Variants in GIT2 observed in about 807,000 individuals in gnomAD.
GIT2 encodes the protein ARF GTPase-activating protein GIT2.
A neutral mutation model predicts 100.3 loss-of-function variants in GIT2; 32 were observed. The ratio of observed to expected loss-of-function variants is 0.32; its 90% confidence interval spans 0.24 to 0.43. The LOEUF is 0.43. Among genes scored for constraint, GIT2 ranks in the 20% least tolerant of loss-of-function variants. GIT2 has a pLI of 1.00. For synonymous variants in GIT2, 353 were observed against 364.1 expected (o/e 0.97, Z 0.35); for missense variants, 737 against 975.1 (o/e 0.76, Z 3.25).
intron 13 of GIT2, chr12:109,952,569 C>T: frequency 1.9e-6 from 1 of 519,194 alleles, no homozygotes; most frequent in Non-Finnish European, 3.8e-6. Flanking sequence ...GCATGACCAG[C>T]TTCCCCTTAG....
chr12:109,952,116 T>TC (rs1357173039), intron 13 of GIT2, among the ~76,000 whole-genome samples: 4 of 152,190 alleles, frequency 2.6e-5, no homozygotes, highest in African/African-American at 7.2e-5. Context: ...AATGACGCCA[T>TC]CTTTCTCACA....
intron 17 of GIT2, 151 bp from the exon 18 acceptor site, chr12:109,938,719 G>C (rs192430573): frequency 7.5e-5 from 43 of 574,498 alleles, no homozygotes; most frequent in Non-Finnish European, 1.3e-4. Flanking sequence ...TCATGGTAAG[G>C]CTCTAAAATC....
chr12:109,944,407 C>T (rs1471182849), intron 16 of GIT2, among the ~76,000 whole-genome samples: 1 of 152,146 alleles, frequency 6.6e-6, no homozygotes, highest in Non-Finnish European at 1.5e-5. Context: ...AGAACTGGGA[C>T]GTGGATTTCA....
In GIT2 at chr12:109,995,971, G is replaced by A; in HGVS notation, c.52+202C>T. 1.1e-5 allele frequency: 5 copies of A among 474,416 alleles called. No homozygotes were observed. In the South Asian group the frequency reaches 1.3e-4, roughly 12 times the overall value. 29.4% of individuals were successfully genotyped at this position (474,416 alleles called of 1,614,324 possible). A position where few individuals can be genotyped will look rare whatever the true frequency, so the allele number is the denominator to read the frequency against. ...ACGGGAGGGAACGAGAGGGAAGGGA[G>A]GGCCGCGAGGGACGGGGAGGGCGGC... is the stretch of plus-strand genomic sequence containing the variant. On this transcript the variant is annotated intron_variant, in intron 1 of 19. Transcript: ENST00000355312.
In GIT2 at chr12:109,989,038, C is replaced by T. The variant is rs753418330; in HGVS notation, c.330G>A (p.Lys110=). Residue 110 remains lysine, a synonymous_variant, in exon 4 of 20, where the codon AAG becomes AAA. Transcript: ENST00000355312. ...GATGGACGAACGCTAACATCTGATACTTGGCTCTGATGAATTCCGCTTTAT... is the reference window on the plus strand; with the variant it reads ...GATGGACGAACGCTAACATCTGATATTTGGCTCTGATGAATTCCGCTTTAT... ...HPNKAEFIRA[K]YQMLAFVHRL... The T allele has an allele frequency of 2.5e-6, 4 of 1,612,564 alleles. No individual in the cohort carries two copies. Among genetic ancestry groups the T allele is most frequent in the Admixed American group, 3.3e-5 (2 of 59,982 alleles).
rs1887064328 is a variant in GIT2 at position 109,985,024 on chromosome 12, CAGA to C, written c.406-1333_406-1331del. ...TACTGCAGAAAAGCTCTTATACAGT[CAGA>C]AGATGAGCTGCCTTCCTTCAAATCT... On this transcript the variant is annotated intron_variant, in intron 4 of 19. Coordinates refer to ENST00000355312, the MANE Select transcript of GIT2 (RefSeq NM_057169.5). 2.0e-5 allele frequency among the ~76,000 whole-genome samples: 3 copies of C among 152,202 alleles called. No homozygotes were observed. In the South Asian group the frequency reaches 6.2e-4, roughly 31 times the overall value.
Position 109,948,952 on chromosome 12 carries a change from TAAAC to T in GIT2, c.1393-1452_1393-1449del. The stretch of plus-strand genomic sequence containing the variant: ...ATATAATCAATACATCTTTGCTAAA[TAAAC>T]AAATTCCATATACTTTATATTAATC... On this transcript the variant is annotated intron_variant, in intron 14 of 19. Coordinates refer to ENST00000355312, the MANE Select transcript of GIT2 (RefSeq NM_057169.5). The surrounding 1 kb of genome is among the most constrained non-coding windows in gnomAD (Gnocchi z 4.3). 4 of 732,322 alleles carry T rather than the reference TAAAC, an allele frequency of 5.5e-6. No homozygotes were observed. Among genetic ancestry groups the T allele is most frequent in the Non-Finnish European group, 9.1e-6 (4 of 440,860 alleles). 45.4% of individuals were successfully genotyped at this position (732,322 alleles called of 1,614,324 possible).
intron 10 of GIT2, 26 bp downstream of exon 10, chr12:109,961,587 T>C (rs775332966): frequency 6.8e-7 from 1 of 1,470,296 alleles, no homozygotes; most frequent in South Asian, 1.1e-5. Flanking sequence ...AACAGAAGCT[T>C]ATTAGATAAA....
chr12:109,935,089 A>T (rs187459649), intron 18 of GIT2, among the ~76,000 whole-genome samples: 176 of 152,244 alleles, frequency 1.2e-3, no homozygotes, highest in Admixed American at 2.0e-3. Context: ...AAAAAAAAAA[A>T]AGACTGCCTA....
At chr12:109,990,685 C>G (rs906573709) in intron 2 of GIT2, among the ~76,000 whole-genome samples, 1 of 152,172 alleles carries the variant, frequency 6.6e-6, no homozygotes, top group Non-Finnish European at 1.5e-5. Context: ...CACACTTAAC[C>G]TTGAGTTCCA....
Position 109,947,133 on chromosome 12 carries a change from A to G in GIT2, c.1641+123T>C. The G allele has an allele frequency of 1.2e-6, 1 of 862,936 alleles. No individual in the cohort carries two copies. Among genetic ancestry groups the G allele is most frequent in the Non-Finnish European group, 1.9e-6 (1 of 539,716 alleles). 53.5% of individuals were successfully genotyped at this position (862,936 alleles called of 1,614,324 possible). ...GTGGACATGTTAATACAGCAAACAC[A>G]ATGGTAACTCTCTTAGTCCAATTTG... On this transcript the variant is annotated intron_variant, in intron 15 of 19. Transcript: ENST00000355312. This position sits in a 1 kb window ranked among gnomAD's most constrained non-coding sequence, Gnocchi z 4.3.
At chr12:109,941,415 A>C (rs1014685254) in intron 16 of GIT2, among the ~76,000 whole-genome samples, 3 of 152,238 alleles carry the variant, frequency 2.0e-5, no homozygotes, top group Non-Finnish European at 4.4e-5. Flanking sequence ...AGTTTATAGC[A>C]GGAAGATCAT....
chr12:109,933,290 G>C lies in GIT2; in HGVS notation c.2068-100C>G. 1 of 709,730 alleles carries C rather than the reference G, an allele frequency of 1.4e-6. No individual in the cohort carries two copies. Among genetic ancestry groups the C allele is most frequent in the Non-Finnish European group, 2.4e-6 (1 of 410,602 alleles). 44.0% of individuals were successfully genotyped at this position (709,730 alleles called of 1,614,324 possible). Reference sequence around the variant, plus strand: ...AAAGCAAACCAAGCTGCTCCCCAGAGTGAAAGGCGGTTTGGTCCTGCCCTT... The same window carrying C: ...AAAGCAAACCAAGCTGCTCCCCAGACTGAAAGGCGGTTTGGTCCTGCCCTT... On this transcript the variant is annotated intron_variant, in intron 19 of 19. Transcript: ENST00000355312. This position sits in a 1 kb window ranked among gnomAD's most constrained non-coding sequence, Gnocchi z 4.5.
intron 12 of GIT2, among the ~76,000 whole-genome samples, chr12:109,956,286 T>A (rs1879426031): frequency 6.6e-6 from 1 of 152,152 alleles, no homozygotes; most frequent in South Asian, 2.1e-4. Context: ...TGATCATGGC[T>A]CACTGCAGCC....
In GIT2 at chr12:109,931,994, T is replaced by TG. The variant is rs1306764778; in HGVS notation, c.*983dup. 1 of 152,224 alleles carries TG rather than the reference T, an allele frequency of 6.6e-6. No individual in the cohort carries two copies. Among genetic ancestry groups the TG allele is most frequent in the Non-Finnish European group, 1.5e-5 (1 of 68,058 alleles). 9.4% of individuals were successfully genotyped at this position (152,224 alleles called of 1,614,324 possible). ...AAGTCCTTAAAGATGATGAAAAATG[T>TG]GAAGCAACTCATGTGAGAAAGCTGT... On this transcript the variant is annotated 3_prime_UTR_variant, in exon 20 of 20. Coordinates refer to ENST00000355312, the MANE Select transcript of GIT2 (RefSeq NM_057169.5).
At chr12:109,942,111 C>A (rs1592963607) in intron 16 of GIT2, among the ~76,000 whole-genome samples, 1 of 152,268 alleles carries the variant, frequency 6.6e-6, no homozygotes, top group East Asian at 1.9e-4. Context: ...AGGTGTTAGC[C>A]ACCACACCTG....
chr12:109,996,481 C>G, upstream of GIT2: 1 of 459,576 alleles, frequency 2.2e-6, no homozygotes, highest in South Asian at 3.5e-5. Context: ...CGAGTATCAT[C>G]TGTCCTACCT....
At position 109,933,099 on chromosome 12, in the gene GIT2, C is replaced by T; in HGVS notation, c.2159G>A (p.Gly720Glu). Reference sequence around the variant, plus strand: ...AACGTCTGTGGGTGAGCCGGGGTCCCCTGGGAGGGTCTTCTTGCACTCTGA... The same window carrying T: ...AACGTCTGTGGGTGAGCCGGGGTCCTCTGGGAGGGTCTTCTTGCACTCTGA... ...LQSECKKTLP[G>E]DPGSPTDVQL... Residue 720 changes from glycine to glutamate, a missense_variant, in exon 20 of 20, where the codon GGG becomes GAG. This residue lies in a region of GIT2 where 451 missense variants were observed against 543.7 expected (regional missense o/e 0.83). Transcript: ENST00000355312. The surrounding 1 kb of genome is among the most constrained non-coding windows in gnomAD (Gnocchi z 4.5). 3.1e-6 allele frequency: 5 copies of T among 1,613,178 alleles called. No homozygotes were observed. The highest frequency in any genetic ancestry group is 4.2e-6 in the Non-Finnish European group (5 of 1,179,286).
At position 109,983,789 on chromosome 12, in the gene GIT2, C is replaced by G. The variant is rs1886810003; in HGVS notation, c.406-95G>C. On this transcript the variant is annotated intron_variant, in intron 4 of 19. Transcript: ENST00000355312. ...TAGACCATTTTAATATATGTTACAT[C>G]AGTAACGCATAATCTTTATTTGTCT... is the stretch of plus-strand genomic sequence containing the variant. 4 of 737,056 alleles carry G rather than the reference C, an allele frequency of 5.4e-6. No homozygotes were observed. In the East Asian group the frequency reaches 1.0e-4, roughly 19 times the overall value. The allele number at this position is 737,056 out of a possible 1,614,324, so 45.7% of individuals were successfully genotyped here.
Sources: gnomAD v4.1 joint callset for allele counts (sites outside exome capture counted in the v4.1 genomes callset) on GRCh38, gnomAD v4.1.1 for gene constraint, gnomAD v4.1.1 regional missense constraint, Gnocchi (gnomAD v3.1) non-coding constraint, MANE v1.5 for transcripts, NCBI Gene and HGNC (gene_info 2026-07-23, HGNC 2026-07-21) for gene names.